SLC9A9: variants seen among roughly 807,000 people sequenced by gnomAD.
SLC9A9 encodes the protein sodium/hydrogen exchanger 9.
SLC9A9 carries 62 observed loss-of-function variants against 77.8 expected under a neutral mutation model. That is an observed-to-expected ratio of 0.80 (90% CI 0.65 to 0.98). The LOEUF (loss-of-function observed/expected upper bound fraction) is 0.98. Ranked by LOEUF, SLC9A9 falls within the 50% of genes least tolerant of loss-of-function variation. The pLI is 0.00. For synonymous variants in SLC9A9, 320 were observed against 283.5 expected, an observed-to-expected ratio of 1.13 and a Z score of -1.29; for missense variants, 775 against 774.9, an observed-to-expected ratio of 1.00 and a Z score of 0.00.
chr3:143,833,120 A>G (rs766130771), intron 1 of SLC9A9, among the ~76,000 whole-genome samples: 4 of 152,200 alleles, frequency 2.6e-5, no homozygotes, highest in Non-Finnish European at 5.9e-5. Flanking sequence ...CAACAGAGAA[A>G]CATCAGAAGC....
At chr3:143,477,585 C>A (rs1213530599) in intron 11 of SLC9A9, among the ~76,000 whole-genome samples, 3 of 152,044 alleles carry the variant, frequency 2.0e-5, no homozygotes, top group Non-Finnish European at 2.9e-5. Context: ...GAGGGGCATC[C>A]CCCAAACCCC....
intron 12 of SLC9A9, among the ~76,000 whole-genome samples, chr3:143,398,259 G>A (rs1002007607): frequency 1.1e-4 from 17 of 152,166 alleles, no homozygotes; most frequent in African/African-American, 4.1e-4. Context: ...TCCTTGTTGA[G>A]GATTAGGCCT....
chr3:143,578,867 G>C (rs770588690), intron 6 of SLC9A9, 144 bp from the exon 7 acceptor site: 2 of 959,186 alleles, frequency 2.1e-6, no homozygotes, highest in African/African-American at 3.2e-5. Context: ...GATACAGAAG[G>C]GGAGAGTTGG....
At chr3:143,642,438 G>C (rs1446543146) in intron 6 of SLC9A9, among the ~76,000 whole-genome samples, 3 of 152,072 alleles carry the variant, frequency 2.0e-5, no homozygotes, top group Non-Finnish European at 2.9e-5. Context: ...AACACTTGAG[G>C]CCTGGAGCTG....
At chr3:143,423,247 G>GTA in intron 12 of SLC9A9, among the ~76,000 whole-genome samples, 1 of 72,536 alleles carries the variant, frequency 1.4e-5, no homozygotes, top group Admixed American at 1.7e-4. Context: ...ACACGCGCGT[G>GTA]TACACACACA....
chr3:143,582,565 C>T (rs778656166), intron 6 of SLC9A9, among the ~76,000 whole-genome samples: 26 of 152,280 alleles, frequency 1.7e-4, no homozygotes, highest in Middle Eastern at 3.4e-3. Flanking sequence ...TGGGGCTGAA[C>T]TAGTCACTTT....
Position 143,834,164 on chromosome 3 carries a change from C to T in SLC9A9, c.176-1943G>A, listed in dbSNP as rs539455876. Among the ~76,000 whole-genome samples, 92 of 152,288 alleles carry T rather than the reference C, an allele frequency of 6.0e-4. No individual in the cohort carries two copies. The Middle Eastern group carries it at 0.01, about 17-fold the overall frequency. On this transcript the variant is annotated intron_variant, in intron 1 of 15. Transcript: ENST00000316549. ...TATTCCTGCTTCAGTGTTTGGCTGA[C>T]TCCTCCAGAGTAATTAGAAAAATTG...
chr3:143,713,541 T>C (rs905434568), intron 4 of SLC9A9, among the ~76,000 whole-genome samples: 2 of 152,168 alleles, frequency 1.3e-5, no homozygotes, highest in African/African-American at 2.4e-5. Context: ...GAGCAGCTTA[T>C]TGAAAAATTG....
intron 6 of SLC9A9, among the ~76,000 whole-genome samples, chr3:143,605,836 G>T (rs2037913714): frequency 6.6e-6 from 1 of 152,102 alleles, no homozygotes; most frequent in South Asian, 2.1e-4. Flanking sequence ...GATGGTTCCA[G>T]ATACAAGTAC....
chr3:143,515,463 A>G (rs1258176588), intron 9 of SLC9A9, among the ~76,000 whole-genome samples: 5 of 152,208 alleles, frequency 3.3e-5, no homozygotes, highest in African/African-American at 1.2e-4. Flanking sequence ...GCACAATAAA[A>G]TGAAGTATGA....
At chr3:143,609,877 C>T (rs1459035255) in intron 6 of SLC9A9, among the ~76,000 whole-genome samples, 1 of 151,534 alleles carries the variant, frequency 6.6e-6, no homozygotes, top group African/African-American at 2.4e-5. Context: ...ATTTAGGTTG[C>T]TTTTAATTTT....
At chr3:143,358,842 T>C (rs2032661491) in intron 14 of SLC9A9, among the ~76,000 whole-genome samples, 1 of 152,244 alleles carries the variant, frequency 6.6e-6, no homozygotes, top group African/African-American at 2.4e-5. Flanking sequence ...AGATAAGACA[T>C]ATGTATTCAA....
chr3:143,562,268 C>CT (rs2037100355), intron 8 of SLC9A9, among the ~76,000 whole-genome samples: 1 of 152,102 alleles, frequency 6.6e-6, no homozygotes, highest in Non-Finnish European at 1.5e-5. Flanking sequence ...GGAGTAATTT[C>CT]TTTAAGGCTA....
chr3:143,822,867 T>C (rs1458126475), intron 2 of SLC9A9, among the ~76,000 whole-genome samples: 1 of 152,210 alleles, frequency 6.6e-6, no homozygotes, highest in Non-Finnish European at 1.5e-5. Flanking sequence ...TCTCTCCCTC[T>C]CTCCCTGCCT....
intron 6 of SLC9A9, among the ~76,000 whole-genome samples, chr3:143,597,542 G>A (rs993469009): frequency 1.3e-5 from 2 of 152,198 alleles, no homozygotes; most frequent in Non-Finnish European, 2.9e-5. Flanking sequence ...CTGCTCAGGA[G>A]AGAGGTAGTT....
intron 12 of SLC9A9, among the ~76,000 whole-genome samples, chr3:143,401,398 A>C (rs1484643230): frequency 2.0e-5 from 3 of 152,156 alleles, no homozygotes; most frequent in Admixed American, 2.0e-4. Flanking sequence ...AGCTCTTATA[A>C]TAGTTCCTTG....
chr3:143,515,602 T>A (rs950496094), intron 9 of SLC9A9, among the ~76,000 whole-genome samples: 1 of 152,246 alleles, frequency 6.6e-6, no homozygotes, highest in Non-Finnish European at 1.5e-5. Flanking sequence ...CAAACATTTT[T>A]AAATTAATAT....
chr3:143,764,420 T>A (rs2007235868), intron 4 of SLC9A9, among the ~76,000 whole-genome samples: 1 of 152,182 alleles, frequency 6.6e-6, no homozygotes, highest in African/African-American at 2.4e-5. Context: ...CAACTTATAT[T>A]CCCACAAGCA....
At chr3:143,405,309 G>C (rs2033953816) in intron 12 of SLC9A9, among the ~76,000 whole-genome samples, 2 of 152,144 alleles carry the variant, frequency 1.3e-5, no homozygotes, top group Admixed American at 6.5e-5. Context: ...CAACTCTCTT[G>C]GCAGGGCTGT....
Sources: gnomAD v4.1 joint callset for allele counts (sites outside exome capture counted in the v4.1 genomes callset) on GRCh38, gnomAD v4.1.1 for gene constraint, MANE v1.5 for transcripts, NCBI Gene and HGNC (gene_info 2026-07-23, HGNC 2026-07-21) for gene names.